Variants in BRD10 observed in about 807,000 individuals in gnomAD.
BRD10 encodes the protein uncharacterized bromodomain-containing protein 10.
chr9:5,988,925 A>C, the BRD10 span, among the ~76,000 whole-genome samples: 1 of 152,208 alleles, frequency 6.6e-6, no homozygotes, highest in East Asian at 1.9e-4. Context: ...AATGATACAT[A>C]AACACTTTGA....
At chr9:5,963,485 G>A in the BRD10 span, among the ~76,000 whole-genome samples, 1 of 146,722 alleles carries the variant, frequency 6.8e-6, no homozygotes, top group Admixed American at 6.9e-5. Context: ...ACTGCCCAAG[G>A]TAATTTACAG....
At chr9:5,938,874 ATAATT>A in the BRD10 span, among the ~76,000 whole-genome samples, 1 of 152,220 alleles carries the variant, frequency 6.6e-6, no homozygotes, top group South Asian at 2.1e-4. Context: ...AATTTTAAGA[ATAATT>A]TAGAGATTAT....
chr9:5,981,861 G>A, the BRD10 span, among the ~76,000 whole-genome samples: 80 of 152,140 alleles, frequency 5.3e-4, no homozygotes, highest in African/African-American at 1.9e-3. Context: ...CATGAATAAA[G>A]CTCAGATACG....
the BRD10 span, among the ~76,000 whole-genome samples, chr9:5,939,316 T>G: frequency 2.0e-5 from 3 of 152,210 alleles, no homozygotes; most frequent in Non-Finnish European, 4.4e-5. Flanking sequence ...TAACATTACT[T>G]GTCAATATTT....
the BRD10 span, among the ~76,000 whole-genome samples, chr9:6,001,548 T>G: frequency 1.3e-5 from 2 of 152,194 alleles, no homozygotes; most frequent in African/African-American, 4.8e-5. Context: ...ATACCTAACT[T>G]TTAATTATGT....
the BRD10 span, chr9:5,919,676 G>T: frequency 6.3e-7 from 1 of 1,587,336 alleles, no homozygotes; most frequent in Non-Finnish European, 8.6e-7. Flanking sequence ...GGCTCTTTTA[G>T]TCTAAATTCA....
chr9:5,920,189 A>G, the BRD10 span: 2 of 1,613,972 alleles, frequency 1.2e-6, no homozygotes, highest in Non-Finnish European at 1.7e-6. Context: ...AGAGTTATCT[A>G]TTGGTGTAGA....
the BRD10 span, chr9:6,007,286 A>G: frequency 1.2e-6 from 2 of 1,613,890 alleles, no homozygotes; most frequent in Non-Finnish European, 1.7e-6. Flanking sequence ...AGGCGGTAGC[A>G]CGTCTCCAGC....
the BRD10 span, among the ~76,000 whole-genome samples, chr9:5,977,043 G>A: frequency 2.0e-5 from 3 of 152,154 alleles, no homozygotes; most frequent in Non-Finnish European, 2.9e-5. Context: ...TACCTGCTGC[G>A]AATATTAAGG....
the BRD10 span, among the ~76,000 whole-genome samples, chr9:5,941,841 T>C: frequency 6.6e-6 from 1 of 152,088 alleles, no homozygotes; most frequent in Non-Finnish European, 1.5e-5. Context: ...AATGGGACCA[T>C]TCTTCCCTGC....
the BRD10 span, among the ~76,000 whole-genome samples, chr9:5,983,801 C>G: frequency 2.0e-5 from 3 of 151,838 alleles, no homozygotes; most frequent in Non-Finnish European, 4.4e-5. Flanking sequence ...AAGAGAAAAT[C>G]TTAAAGGCAG....
At chr9:6,004,697 C>A in the BRD10 span, among the ~76,000 whole-genome samples, 45 of 152,232 alleles carry the variant, frequency 3.0e-4, no homozygotes, top group East Asian at 7.7e-3. Flanking sequence ...GAGATATTTA[C>A]AAATAAGCTA....
At chr9:5,899,801 C>T in the BRD10 span, among the ~76,000 whole-genome samples, 1 of 152,162 alleles carries the variant, frequency 6.6e-6, no homozygotes, top group Non-Finnish European at 1.5e-5. Flanking sequence ...TCTCCAGTGC[C>T]TAGCACAGTG....
At chr9:5,913,276 G>A in the BRD10 span, among the ~76,000 whole-genome samples, 1 of 152,154 alleles carries the variant, frequency 6.6e-6, no homozygotes, top group African/African-American at 2.4e-5. Flanking sequence ...ATCTGGACAG[G>A]TTCACTTGTC....
the BRD10 span, chr9:6,007,719 G>C: frequency 4.4e-6 from 7 of 1,597,486 alleles, no homozygotes; most frequent in Non-Finnish European, 6.0e-6. Context: ...CCTCTCCTTC[G>C]GCCGCCGGTG....
At chr9:5,986,309 C>T in the BRD10 span, among the ~76,000 whole-genome samples, 3 of 152,144 alleles carry the variant, frequency 2.0e-5, no homozygotes, top group East Asian at 3.8e-4. Context: ...GATCTAATTC[C>T]TTTTTATGGC....
chr9:5,959,302 T>C, the BRD10 span, among the ~76,000 whole-genome samples: 2 of 152,186 alleles, frequency 1.3e-5, no homozygotes, highest in Non-Finnish European at 2.9e-5. Flanking sequence ...CCTAATTATC[T>C]TGCAAGATCC....
At chr9:6,007,972 C>T in the BRD10 span, 8 of 1,294,502 alleles carry the variant, frequency 6.2e-6, no homozygotes, top group Non-Finnish European at 6.8e-6. Flanking sequence ...GCCGGCGGGG[C>T]GGGGTTACAT....
the BRD10 span, among the ~76,000 whole-genome samples, chr9:5,926,185 G>A: frequency 2.0e-5 from 3 of 151,858 alleles, no homozygotes; most frequent in African/African-American, 7.3e-5. Flanking sequence ...TAAAGTGCTG[G>A]GATTACAGGC....
Sources: gnomAD v4.1 joint callset for allele counts (sites outside exome capture counted in the v4.1 genomes callset) on GRCh38, gnomAD v4.1.1 for gene constraint, MANE v1.5 for transcripts, NCBI Gene and HGNC (gene_info 2026-07-23, HGNC 2026-07-21) for gene names.